The following SEMA5B variants were observed in gnomAD, a reference collection of about 807,000 sequenced individuals.
SEMA5B encodes semaphorin-5B.
A neutral mutation model predicts 135.0 loss-of-function variants in SEMA5B; 66 were observed. The observed-to-expected ratio is 0.49, with a 90% CI of 0.40 to 0.60. The LOEUF (loss-of-function observed/expected upper bound fraction) is 0.60, where lower values mean the gene tolerates loss of function less well. SEMA5B is among the 20% of genes least tolerant of loss of function. The probability of loss-of-function intolerance (pLI) is 0.00; values close to 1 mark genes in which losing one functional copy is unlikely to be tolerated. For synonymous variants in SEMA5B, 690 were observed against 639.5 expected (o/e 1.08, Z -1.19); for missense variants, 1,501 against 1,566.3 (o/e 0.96, Z 0.70).
intron 8 of SEMA5B, 100 bp from the exon 9 acceptor site, chr3:122,926,777 T>C: frequency 7.6e-7 from 1 of 1,317,522 alleles, no homozygotes; most frequent in South Asian, 1.4e-5. Flanking sequence ...CAGATGGGCA[T>C]CCTGACATCC....
intron 2 of SEMA5B, among the ~76,000 whole-genome samples, chr3:122,954,600 G>T (rs1940198913): frequency 6.6e-6 from 1 of 152,192 alleles, no homozygotes; most frequent in South Asian, 2.1e-4. Flanking sequence ...TGTCAGTGGG[G>T]CTTACAGGGA....
chr3:123,015,539 AGAG>A (rs1253284230), intron 1 of SEMA5B, among the ~76,000 whole-genome samples: 2 of 152,224 alleles, frequency 1.3e-5, no homozygotes, highest in Non-Finnish European at 2.9e-5. Flanking sequence ...GAGACAAGCC[AGAG>A]GAGGACTGCT....
chr3:122,961,338 T>C lies in SEMA5B; in HGVS notation c.-38-37A>G. On this transcript the variant is annotated intron_variant, in intron 1 of 22. Transcript: ENST00000357599. ...GAATTTTGGGTAAGTCATGGATACA[T>C]GATGAACCAGGCAAAAGAGATGAGG... The C allele has an allele frequency of 3.2e-6, 5 of 1,587,188 alleles. No individual in the cohort carries two copies. The East Asian group carries it at 6.8e-5, about 21-fold the overall frequency.
At chr3:123,011,904 A>G (rs1433940670) in intron 1 of SEMA5B, among the ~76,000 whole-genome samples, 2 of 152,190 alleles carry the variant, frequency 1.3e-5, no homozygotes, top group South Asian at 4.2e-4. Flanking sequence ...CTTCTGAACA[A>G]CATCCCTGCA....
chr3:123,001,867 G>A (rs559850367), intron 1 of SEMA5B, among the ~76,000 whole-genome samples: 1 of 152,292 alleles, frequency 6.6e-6, no homozygotes, highest in South Asian at 2.1e-4. Flanking sequence ...TACACGATAA[G>A]GTGCATGCTG....
At chr3:123,003,732 G>C (rs1942237990) in intron 1 of SEMA5B, among the ~76,000 whole-genome samples, 1 of 152,198 alleles carries the variant, frequency 6.6e-6, no homozygotes, top group Non-Finnish European at 1.5e-5. Context: ...CACTCAGGAG[G>C]CTGAGGCAGG....
chr3:122,913,571 GC>G lies in SEMA5B; in HGVS notation c.2242del (p.Ala748ProfsTer38). 1 of 1,612,924 alleles carries G rather than the reference GC, an allele frequency of 6.2e-7. No homozygotes were observed. The highest frequency in any genetic ancestry group is 8.5e-7 in the Non-Finnish European group (1 of 1,179,876). On this transcript the variant is annotated frameshift_variant, in exon 16 of 23. Transcript: ENST00000357599. LOFTEE classifies it high-confidence loss of function. ...CGGGMQSRRR[A>X]CENGNSCLGC... ...CAGGCAGGAGTTGCCGTTCTCGCAG[GC>G]CCGACGCCGCGACTGCATGCCCCCT...
At position 122,922,091 on chromosome 3, in the gene SEMA5B, C is replaced by T. The variant is rs1478462059; in HGVS notation, c.1512G>A (p.Thr504=). The part of the protein sequence containing the change: ...ESGTILKALS[T]ASRSLHGCYL... ...AGCAGCCGTGGAGGCTGCGGCTCGC[C>T]GTGGACAGCGCCTTCAGGATGGTGC... is the stretch of plus-strand genomic sequence containing the variant. Residue 504 remains threonine (T), a synonymous_variant, in exon 12 of 23, where the codon ACG becomes ACA. Coordinates refer to ENST00000357599, the MANE Select transcript of SEMA5B (RefSeq NM_001031702.4). 1.3e-6 allele frequency: 2 copies of T among 1,494,194 alleles called. No homozygotes were observed. The highest frequency in any genetic ancestry group is 2.4e-5 in the East Asian group (1 of 41,764). 92.6% of individuals were successfully genotyped at this position (1,494,194 alleles called of 1,614,324 possible).
intron 21 of SEMA5B, 34 bp from the exon 22 acceptor site, chr3:122,911,079 C>A: frequency 6.4e-7 from 1 of 1,553,626 alleles, no homozygotes; most frequent in Non-Finnish European, 8.8e-7. Flanking sequence ...AAGATGAGGG[C>A]CACTGTGAAG....
chr3:122,996,923 G>A (rs1047673361), intron 1 of SEMA5B, among the ~76,000 whole-genome samples: 14 of 152,120 alleles, frequency 9.2e-5, no homozygotes, highest in East Asian at 1.9e-4. Flanking sequence ...AAACAGCCTC[G>A]CCAAGGGAGG....
At chr3:122,940,872 G>A (rs1001141355) in intron 4 of SEMA5B, among the ~76,000 whole-genome samples, 9 of 152,214 alleles carry the variant, frequency 5.9e-5, no homozygotes, top group African/African-American at 1.4e-4. Flanking sequence ...ATAAGCTCCA[G>A]CTTATGGCTG....
rs760844876 is a variant in SEMA5B, at chr3:122,921,993, G to A, written c.1610C>T (p.Ala537Val). The A allele has an allele frequency of 1.7e-4, 255 of 1,534,528 alleles. No homozygotes were observed. The highest frequency in any genetic ancestry group is 2.1e-4 in the Non-Finnish European group (236 of 1,144,100). Residue 537 changes from alanine to valine, a missense_variant, in exon 12 of 23, where the codon GCC becomes GTC. This residue lies in a region of SEMA5B where 927 missense variants were observed against 881.6 expected (regional missense o/e 1.05). Coordinates refer to ENST00000357599, the MANE Select transcript of SEMA5B (RefSeq NM_001031702.4). ...TCTCAGCCCCACGAAGAGCGCGCGG[G>A]CGCTGTGCAGGATGCGCAGGCTGCG... ...PLRSLRILHS[A>V]RALFVGLRDG...
chr3:123,009,232 T>G (rs1469546708), intron 1 of SEMA5B, among the ~76,000 whole-genome samples: 5 of 152,178 alleles, frequency 3.3e-5, no homozygotes, highest in Admixed American at 2.6e-4. Context: ...GGGTTCTCAG[T>G]GCAGGGAGCG....
intron 1 of SEMA5B, among the ~76,000 whole-genome samples, chr3:122,986,766 ACT>A (rs1941714505): frequency 6.6e-6 from 1 of 151,870 alleles, no homozygotes; most frequent in South Asian, 2.1e-4. Flanking sequence ...CCAAGAAAAA[ACT>A]CTCAGCTGAA....
At chr3:123,004,268 T>G (rs1942250991) in intron 1 of SEMA5B, among the ~76,000 whole-genome samples, 1 of 152,208 alleles carries the variant, frequency 6.6e-6, no homozygotes, top group Non-Finnish European at 1.5e-5. Flanking sequence ...GAAGAAAAAT[T>G]TGCTTTAGGC....
intron 2 of SEMA5B, among the ~76,000 whole-genome samples, chr3:122,960,406 C>T (rs1940523696): frequency 6.6e-6 from 1 of 152,206 alleles, no homozygotes; most frequent in Non-Finnish European, 1.5e-5. Context: ...CTATGTAAAA[C>T]AGTCTGGAGG....
At chr3:122,927,012 A>G (rs1225838315) in intron 8 of SEMA5B, among the ~76,000 whole-genome samples, 1 of 152,258 alleles carries the variant, frequency 6.6e-6, no homozygotes, top group Non-Finnish European at 1.5e-5. Context: ...AGAGAGGTTA[A>G]GTACTTGCTC....
chr3:122,913,424 C>T lies in SEMA5B; in HGVS notation c.2281G>A (p.Glu761Lys), dbSNP rs772906536. ...NGNSCLGCGV[E>K]FKTCNPEGCP... is the part of the protein sequence containing the mutation. Reference sequence around the variant, plus strand: ...CCCTCGGGGTTGCACGTCTTGAACTCCTGCGGGTGGCGGCAGAGGCAGCTT... The same window carrying T: ...CCCTCGGGGTTGCACGTCTTGAACTTCTGCGGGTGGCGGCAGAGGCAGCTT... Residue 761 changes from glutamate to lysine, a missense_variant and splice_region_variant, in exon 17 of 23, where the codon GAG becomes AAG. Around this residue, in one of 2 missense-constraint regions of SEMA5B, gnomAD observed 927 missense variants for 881.6 expected, o/e 1.05. Transcript: ENST00000357599. The T allele has an allele frequency of 6.4e-7, 1 of 1,566,390 alleles. No individual in the cohort carries two copies. The highest frequency in any genetic ancestry group is 8.6e-7 in the Non-Finnish European group (1 of 1,159,824).
intron 1 of SEMA5B, among the ~76,000 whole-genome samples, chr3:123,020,223 G>A (rs531340773): frequency 2.6e-5 from 4 of 152,218 alleles, no homozygotes; most frequent in African/African-American, 7.2e-5. Flanking sequence ...AAATTATGGC[G>A]CATCCGTATG....
Sources: gnomAD v4.1 joint callset for allele counts (sites outside exome capture counted in the v4.1 genomes callset) on GRCh38, gnomAD v4.1.1 for gene constraint, gnomAD v4.1.1 regional missense constraint, MANE v1.5 for transcripts, NCBI Gene and HGNC (gene_info 2026-07-23, HGNC 2026-07-21) for gene names.